The following TEX9 variants were observed in gnomAD, a reference collection of about 807,000 sequenced individuals.
TEX9 encodes testis expressed 9.
Under a neutral mutation model 59.6 loss-of-function variants are expected in TEX9, and 74 were observed. The ratio of observed to expected loss-of-function variants is 1.24; its 90% CI spans 1.03 to 1.51. The LOEUF is 1.51. TEX9 is among the 40% of genes most tolerant of loss of function. The pLI is 0.00. For missense variants in TEX9, 522 were observed against 447.8 expected (o/e 1.17, Z -1.49); for synonymous variants, 186 against 152.2 (o/e 1.22, Z -1.64).
chr15:56,378,993 G>T (rs1054151970), intron 3 of TEX9, among the ~76,000 whole-genome samples: 14 of 151,234 alleles, frequency 9.3e-5, no homozygotes, highest in Admixed American at 8.6e-4. Flanking sequence ...AGCCCAGGAA[G>T]GTCTAGGCTG....
At chr15:56,396,091 A>T (rs2142355781) in intron 9 of TEX9, 1 of 152,322 alleles carries the variant, frequency 6.6e-6, no homozygotes, top group Non-Finnish European at 1.5e-5. Context: ...TGTGAAAATA[A>T]AAATATACTG....
chr15:56,434,273 AGTTTT>A, intron 12 of TEX9: 4 of 1,613,950 alleles, frequency 2.5e-6, no homozygotes, highest in Non-Finnish European at 1.7e-6. Context: ...TAGCTAGCAT[AGTTTT>A]TCTAAAGTTC....
At chr15:56,331,748 A>G (rs1567088540) in intron 1 of TEX9, among the ~76,000 whole-genome samples, 2 of 152,278 alleles carry the variant, frequency 1.3e-5, no homozygotes, top group South Asian at 4.1e-4. Context: ...ACTAGAAACT[A>G]CAATGAACTC....
At chr15:56,379,734 A>G (rs1219044301) in intron 3 of TEX9, among the ~76,000 whole-genome samples, 1 of 152,150 alleles carries the variant, frequency 6.6e-6, no homozygotes, top group Non-Finnish European at 1.5e-5. Context: ...TGTTGCATGC[A>G]TTTATATGCA....
At chr15:56,416,997 G>A (rs1395640276) in intron 10 of TEX9, among the ~76,000 whole-genome samples, 1 of 151,786 alleles carries the variant, frequency 6.6e-6, no homozygotes, top group African/African-American at 2.4e-5. Flanking sequence ...TGTGCATAGA[G>A]GTGTTCATAG....
intron 1 of TEX9, among the ~76,000 whole-genome samples, chr15:56,350,169 T>A (rs2046550437): frequency 6.6e-6 from 1 of 152,226 alleles, no homozygotes; most frequent in African/African-American, 2.4e-5. Flanking sequence ...CAATGCTTAG[T>A]ACAAAGTCTG....
intron 1 of TEX9, among the ~76,000 whole-genome samples, chr15:56,343,215 T>A (rs1476359609): frequency 6.6e-6 from 1 of 152,112 alleles, no homozygotes; most frequent in East Asian, 1.9e-4. Context: ...ATTGAACATA[T>A]CACCTAAAAT....
intron 1 of TEX9, among the ~76,000 whole-genome samples, chr15:56,340,969 C>T (rs1384964464): frequency 1.3e-5 from 2 of 151,358 alleles, no homozygotes; most frequent in African/African-American, 4.9e-5. Context: ...GTTCAATGTT[C>T]TGAAGTAGGT....
chr15:56,432,318 G>A (rs2050617941), intron 12 of TEX9, among the ~76,000 whole-genome samples: 1 of 152,122 alleles, frequency 6.6e-6, no homozygotes, highest in Admixed American at 6.5e-5. Context: ...ATCCATTTAG[G>A]ACAAATTCTG....
chr15:56,320,942 T>C (rs1371107004), intron 1 of TEX9, among the ~76,000 whole-genome samples: 1 of 152,154 alleles, frequency 6.6e-6, no homozygotes, highest in Non-Finnish European at 1.5e-5. Context: ...CTAATATGCA[T>C]GAGACAAAGC....
At chr15:56,281,785 T>C (rs1362362824) in intron 1 of TEX9, among the ~76,000 whole-genome samples, 1 of 152,222 alleles carries the variant, frequency 6.6e-6, no homozygotes, top group African/African-American at 2.4e-5. Context: ...TTCAGTCAGT[T>C]CTCATGGTTA....
At chr15:56,343,045 T>C (rs1014489370) in intron 1 of TEX9, among the ~76,000 whole-genome samples, 3 of 151,708 alleles carry the variant, frequency 2.0e-5, no homozygotes, top group African/African-American at 7.3e-5. Flanking sequence ...GCAAGAAAAA[T>C]AGAATGGTAA....
intron 6 of TEX9, 42 bp downstream of exon 6, chr15:56,389,442 G>A: frequency 7.2e-7 from 1 of 1,389,866 alleles, no homozygotes; most frequent in Non-Finnish European, 1.0e-6. Context: ...TTTTAGTTTT[G>A]TAATTCACAA....
At chr15:56,389,480 G>T (rs2048108956) in intron 6 of TEX9, 80 bp downstream of exon 6, 1 of 1,076,546 alleles carries the variant, frequency 9.3e-7, no homozygotes, top group South Asian at 1.5e-5. Flanking sequence ...ATTAAGCTCT[G>T]TTTGTTTTTC....
At chr15:56,423,891 C>T (rs1389259530) in intron 10 of TEX9, among the ~76,000 whole-genome samples, 1 of 152,034 alleles carries the variant, frequency 6.6e-6, no homozygotes, top group African/African-American at 2.4e-5. Context: ...TATACTGAAC[C>T]CAATGTGTAG....
intron 10 of TEX9, among the ~76,000 whole-genome samples, chr15:56,413,295 ATTATT>A (rs2049495007): frequency 1.1e-4 from 7 of 63,724 alleles, no homozygotes; most frequent in Admixed American, 5.3e-4. Context: ...TTAATAATAA[ATTATT>A]TAATTTAATA....
At chr15:56,348,960 T>C (rs1895094520) in intron 1 of TEX9, among the ~76,000 whole-genome samples, 1 of 152,124 alleles carries the variant, frequency 6.6e-6, no homozygotes, top group Admixed American at 6.6e-5. Context: ...TTGAATAATT[T>C]CTACGGACCT....
At chr15:56,383,025 T>C (rs1218485001) in intron 3 of TEX9, among the ~76,000 whole-genome samples, 1 of 152,228 alleles carries the variant, frequency 6.6e-6, no homozygotes, top group Non-Finnish European at 1.5e-5. Flanking sequence ...CAGAGCACTT[T>C]GGCCAGTAGT....
intron 1 of TEX9, among the ~76,000 whole-genome samples, chr15:56,252,848 T>C (rs896215608): frequency 1.3e-5 from 2 of 152,154 alleles, no homozygotes; most frequent in Non-Finnish European, 2.9e-5. Flanking sequence ...AGTTTTCCAA[T>C]TGGTAAAAGT....
Sources: allele counts gnomAD v4.1 joint callset (sites outside exome capture counted in the v4.1 genomes callset), GRCh38; gene constraint gnomAD v4.1.1; transcripts MANE v1.5; gene names NCBI Gene and HGNC (gene_info 2026-07-23, HGNC 2026-07-21).